Variants in RGS6 observed in about 807,000 individuals in gnomAD.
RGS6 encodes the protein regulator of G-protein signaling 6.
A neutral mutation model predicts 78.5 loss-of-function variants in RGS6; 30 were observed. The observed-to-expected ratio is 0.38, with a 90% CI of 0.29 to 0.52. The LOEUF is 0.52. RGS6 is among the 20% of genes least tolerant of loss of function. RGS6 has a pLI of 0.85. For synonymous variants in RGS6, 206 were observed against 206.0 expected, an observed-to-expected ratio of 1.00 and a Z score of 0.00; for missense variants, 495 against 609.7, an observed-to-expected ratio of 0.81 and a Z score of 1.98.
chr14:72,464,386 A>G (rs2095850665), intron 6 of RGS6, among the ~76,000 whole-genome samples: 2 of 152,242 alleles, frequency 1.3e-5, no homozygotes, highest in Admixed American at 1.3e-4. Context: ...GGGAACAACC[A>G]CAACTGACTC....
chr14:72,229,490 G>A (rs1447356465), intron 2 of RGS6, among the ~76,000 whole-genome samples: 3 of 152,116 alleles, frequency 2.0e-5, no homozygotes, highest in Non-Finnish European at 4.4e-5. Context: ...TCCTCTTGTA[G>A]GGACCCCAGC....
chr14:72,274,948 T>G (rs1444805680), intron 2 of RGS6, among the ~76,000 whole-genome samples: 1 of 152,244 alleles, frequency 6.6e-6, no homozygotes, highest in Non-Finnish European at 1.5e-5. Flanking sequence ...TTACTCATGA[T>G]CAACTACTTT....
chr14:72,337,820 G>C (rs1285336485), intron 2 of RGS6, among the ~76,000 whole-genome samples: 5 of 152,198 alleles, frequency 3.3e-5, no homozygotes, highest in Non-Finnish European at 1.5e-5. Flanking sequence ...TTCAGATGCT[G>C]GTATTTATCC....
intron 1 of RGS6, among the ~76,000 whole-genome samples, chr14:71,964,323 A>G (rs2093386289): frequency 6.6e-6 from 1 of 152,126 alleles, no homozygotes; most frequent in Non-Finnish European, 1.5e-5. Context: ...CCTGACCAAC[A>G]TGGAGAAACC....
At chr14:71,880,278 T>G in the RGS6 span, among the ~76,000 whole-genome samples, 1 of 152,342 alleles carries the variant, frequency 6.6e-6, no homozygotes, top group African/African-American at 2.4e-5. Context: ...ATTTGCAGCC[T>G]GACAATGCTG....
In RGS6 at chr14:72,313,149, G is replaced by A. The variant is rs542926353; in HGVS notation, c.85-38946G>A. 6.6e-5 allele frequency among the ~76,000 whole-genome samples: 10 copies of A among 152,138 alleles called. No individual in the cohort carries two copies. The East Asian group carries it at 7.7e-4, about 12-fold the overall frequency. ...CTCAACATCTTCAGTTGGGGATAGC[G>A]TCCTACCATCTCCCTCATAGAGGAG... is the stretch of plus-strand genomic sequence containing the variant. On this transcript the variant is annotated intron_variant, in intron 2 of 17. Transcript: ENST00000553525.
rs111962264 is a variant in RGS6, at chr14:72,283,454, G to A, written c.85-68641G>A. Among the ~76,000 whole-genome samples the A allele has an allele frequency of 9.5e-3, 1,446 of 152,272 alleles. 12 individuals carry two copies. The highest frequency in any genetic ancestry group is 0.023 in the South Asian group (112 of 4,824). ...CAGTGGGAGATAATTGATTCATGGG[G>A]ATGGTTTCCCCATACTGTTCTCATG... is the stretch of plus-strand genomic sequence containing the variant. On this transcript the variant is annotated intron_variant, in intron 2 of 17. Coordinates refer to ENST00000553525, the MANE Select transcript of RGS6 (RefSeq NM_001204424.2).
chr14:72,079,074 C>T (rs1281802697), intron 2 of RGS6, among the ~76,000 whole-genome samples: 1 of 152,056 alleles, frequency 6.6e-6, no homozygotes, highest in Non-Finnish European at 1.5e-5. Flanking sequence ...AATTAAAGGA[C>T]ACCTAGATGC....
At chr14:72,169,508 T>A (rs1417583685) in intron 2 of RGS6, among the ~76,000 whole-genome samples, 3 of 152,252 alleles carry the variant, frequency 2.0e-5, no homozygotes, top group Non-Finnish European at 4.4e-5. Flanking sequence ...AACAGTGGCT[T>A]ACTTAGGGTG....
At position 72,553,029 on chromosome 14, in the gene RGS6, C is replaced by T. The variant is rs1034681312; in HGVS notation, c.1423-9388C>T. 4.0e-4 allele frequency among the ~76,000 whole-genome samples: 61 copies of T among 152,318 alleles called. 1 individual carries two copies. Among genetic ancestry groups the T allele is most frequent in the Admixed American group, 5.9e-4 (9 of 15,310 alleles). ...CCTGTGGTCTCAACATGCACATGAA[C>T]GCATGCACTGGTGTATGCACATGTG... On this transcript the variant is annotated intron_variant, in intron 17 of 17. Coordinates refer to ENST00000553525, the MANE Select transcript of RGS6 (RefSeq NM_001204424.2).
the RGS6 span, among the ~76,000 whole-genome samples, chr14:71,867,652 G>A: frequency 6.6e-6 from 1 of 152,130 alleles, no homozygotes; most frequent in Non-Finnish European, 1.5e-5. Flanking sequence ...TGCTGGTTGG[G>A]GCTAGAGAAA....
intron 13 of RGS6, among the ~76,000 whole-genome samples, chr14:72,497,305 G>C (rs1218674889): frequency 6.6e-6 from 1 of 152,020 alleles, no homozygotes; most frequent in Non-Finnish European, 1.5e-5. Flanking sequence ...TCATTTTACT[G>C]TTTTGTTTCC....
intron 2 of RGS6, among the ~76,000 whole-genome samples, chr14:72,302,076 G>C (rs1030532120): frequency 6.6e-6 from 1 of 152,196 alleles, no homozygotes; most frequent in Non-Finnish European, 1.5e-5. Context: ...CTAAGCATCT[G>C]TGTGACCTGG....
chr14:72,095,780 G>T (rs1163588720), intron 2 of RGS6, among the ~76,000 whole-genome samples: 1 of 152,224 alleles, frequency 6.6e-6, no homozygotes, highest in Non-Finnish European at 1.5e-5. Flanking sequence ...CACCATGAAA[G>T]TGGAAAACCG....
At chr14:71,877,314 A>G in the RGS6 span, among the ~76,000 whole-genome samples, 2 of 152,194 alleles carry the variant, frequency 1.3e-5, no homozygotes, top group Non-Finnish European at 1.5e-5. Context: ...AGGTACACCA[A>G]TCAGACGAAG....
At chr14:72,328,655 G>A (rs1301577551) in intron 2 of RGS6, among the ~76,000 whole-genome samples, 1 of 152,134 alleles carries the variant, frequency 6.6e-6, no homozygotes, top group Non-Finnish European at 1.5e-5. Flanking sequence ...AAGGAGGACA[G>A]ACATCATTGT....
intron 2 of RGS6, among the ~76,000 whole-genome samples, chr14:71,998,519 G>C (rs1477595721): frequency 1.3e-5 from 2 of 152,230 alleles, no homozygotes; most frequent in African/African-American, 4.8e-5. Context: ...CATGGCTGCA[G>C]CTCTTTCTCG....
chr14:72,493,723 G>C (rs776687907), intron 12 of RGS6, among the ~76,000 whole-genome samples: 2 of 151,286 alleles, frequency 1.3e-5, no homozygotes, highest in Non-Finnish European at 2.9e-5. Context: ...CAAAGAACGA[G>C]AATCAAAATG....
intron 8 of RGS6, among the ~76,000 whole-genome samples, chr14:72,471,854 A>G (rs911398403): frequency 1.3e-5 from 2 of 152,248 alleles, no homozygotes; most frequent in African/African-American, 2.4e-5. Flanking sequence ...CTCAGAAGCC[A>G]CTGGAAAGCA....
Sources: gnomAD v4.1 joint callset for allele counts (sites outside exome capture counted in the v4.1 genomes callset) on GRCh38, gnomAD v4.1.1 for gene constraint, MANE v1.5 for transcripts, NCBI Gene and HGNC (gene_info 2026-07-23, HGNC 2026-07-21) for gene names.